The following CAPN7 variants were observed in gnomAD, a reference collection of about 807,000 sequenced individuals.
CAPN7 encodes calpain-7.
In CAPN7, 72 loss-of-function variants were observed where a neutral mutation model predicts 115.2. That is an observed-to-expected ratio of 0.63 (90% CI 0.52 to 0.76). CAPN7 has a LOEUF of 0.76. Among genes scored for constraint, CAPN7 ranks in the 30% least tolerant of loss-of-function variants. CAPN7 has a pLI of 0.00. For synonymous variants in CAPN7, 344 were observed against 322.3 expected, an observed-to-expected ratio of 1.07 and a Z score of -0.72; for missense variants, 905 against 971.5, an observed-to-expected ratio of 0.93 and a Z score of 0.91.
chr3:15,231,120 G>A (rs73140126), intron 9 of CAPN7, among the ~76,000 whole-genome samples: 7,398 of 152,218 alleles, frequency 0.049, 618 homozygotes, highest in African/African-American at 0.17. Flanking sequence ...CCCTAGACCT[G>A]CTGAATCAGA....
rs1457677135 is a variant in CAPN7 at position 15,250,920 on chromosome 3, T to C, written c.2205-11T>C. ...TATTAATACAGTAATTCTGTTCATTTTAAATGCTAGGCAATATAGCGTTGG... is the reference window on the plus strand; with the variant it reads ...TATTAATACAGTAATTCTGTTCATTCTAAATGCTAGGCAATATAGCGTTGG... On this transcript the variant is annotated splice_polypyrimidine_tract_variant and intron_variant, in intron 19 of 20. Transcript: ENST00000253693. 1 of 1,571,114 alleles carries C rather than the reference T, an allele frequency of 6.4e-7. No individual in the cohort carries two copies. Among genetic ancestry groups the C allele is most frequent in the Non-Finnish European group, 8.7e-7 (1 of 1,143,116 alleles).
Position 15,250,937 on chromosome 3 carries a change from T to C in CAPN7, c.2211T>C (p.Tyr737=), listed in dbSNP as rs756592545. 2.9e-5 allele frequency: 46 copies of C among 1,603,402 alleles called. No homozygotes were observed. The highest frequency in any genetic ancestry group is 3.2e-5 in the Non-Finnish European group (38 of 1,171,006). The change falls in exon 20 of 21, where the codon TAT becomes TAC. Residue 737 remains tyrosine, a synonymous_variant. Transcript: ENST00000253693. ...TGTTCATTTTAAATGCTAGGCAATA[T>C]AGCGTTGGATTTGAGGTTGTAACAG... ...LLIELRGPRQ[Y]SVGFEVVTVS...
intron 2 of CAPN7, among the ~76,000 whole-genome samples, chr3:15,212,958 C>T (rs780474684): frequency 3.9e-5 from 6 of 152,106 alleles, no homozygotes; most frequent in Non-Finnish European, 5.9e-5. Context: ...ACAAGAACAT[C>T]GTTGGGATAA....
intron 17 of CAPN7, 87 bp downstream of exon 17, chr3:15,245,758 A>G: frequency 1.1e-5 from 12 of 1,108,112 alleles, no homozygotes; most frequent in Non-Finnish European, 1.5e-5. Flanking sequence ...ATCTGGAGAA[A>G]AAGTTTATTT....
intron 9 of CAPN7, 26 bp from the exon 10 acceptor site, chr3:15,232,493 A>C (rs758449073): frequency 6.3e-7 from 1 of 1,575,020 alleles, no homozygotes; most frequent in East Asian, 2.3e-5. Context: ...TGTGCACCTA[A>C]GAAGGTTAAT....
intron 1 of CAPN7, 52 bp downstream of exon 1, chr3:15,206,649 C>T (rs1233238094): frequency 7.4e-7 from 1 of 1,343,728 alleles, no homozygotes; most frequent in South Asian, 1.3e-5. Flanking sequence ...GAGTGCGGCC[C>T]GGGCCTGCGG....
At chr3:15,209,161 C>G (rs1480995919) in intron 1 of CAPN7, among the ~76,000 whole-genome samples, 2 of 152,104 alleles carry the variant, frequency 1.3e-5, no homozygotes, top group Non-Finnish European at 2.9e-5. Flanking sequence ...CAGGCATGCA[C>G]CACCACCCCC....
At position 15,206,613 on chromosome 3, in the gene CAPN7, G is replaced by T; in HGVS notation, c.102+16G>T. On this transcript the variant is annotated intron_variant, in intron 1 of 20. Transcript: ENST00000253693. ...TTATTACAAGGTAGGGCCGGGCCCG[G>T]CGCTTCGGTCGGAGTTGCTCAGTCG... The T allele has an allele frequency of 6.5e-7, 1 of 1,535,086 alleles. No homozygotes were observed. The highest frequency in any genetic ancestry group is 8.8e-7 in the Non-Finnish European group (1 of 1,137,708).
At position 15,217,424 on chromosome 3, in the gene CAPN7, G is replaced by C. The variant is rs770164933; in HGVS notation, c.212-1G>C. 1 of 1,606,032 alleles carries C rather than the reference G, an allele frequency of 6.2e-7. No individual in the cohort carries two copies. Among genetic ancestry groups the C allele is most frequent in the Non-Finnish European group, 8.5e-7 (1 of 1,176,830 alleles). On this transcript the variant is annotated splice_acceptor_variant, in intron 2 of 20. Transcript: ENST00000253693. LOFTEE classifies it high-confidence loss of function. ...TCTGCGTATTTTTTTTTCTATCCTA[G>C]TTCAGTCAAAGAGTGCTGATCCTTT...
At chr3:15,220,163 A>G (rs1383691773) in intron 4 of CAPN7, among the ~76,000 whole-genome samples, 2 of 152,144 alleles carry the variant, frequency 1.3e-5, no homozygotes, top group African/African-American at 4.8e-5. Context: ...TTGCGCCACT[A>G]CGCTCTAGCT....
At chr3:15,206,869 G>C (rs546250826) in intron 1 of CAPN7, among the ~76,000 whole-genome samples, 2 of 152,404 alleles carry the variant, frequency 1.3e-5, no homozygotes, top group East Asian at 3.8e-4. Context: ...GCTTTGGGGG[G>C]CAGGTGTTAG....
chr3:15,245,212 T>A lies in CAPN7; in HGVS notation c.1865-314T>A, dbSNP rs560000332. 2.5e-4 allele frequency among the ~76,000 whole-genome samples: 38 copies of A among 149,648 alleles called. No individual in the cohort carries two copies. In the South Asian group the frequency reaches 4.0e-3, roughly 16 times the overall value. On this transcript the variant is annotated intron_variant, in intron 16 of 20. Transcript: ENST00000253693. The stretch of plus-strand genomic sequence containing the variant: ...AATTTCATCTCAAAAAAAAAACTAA[T>A]CCTGACTTTAAGATCCTCTACGGGA...
chr3:15,240,524 G>A lies in CAPN7; in HGVS notation c.1459G>A (p.Gly487Arg). 5 of 1,613,184 alleles carry A rather than the reference G, an allele frequency of 3.1e-6. No homozygotes were observed. The highest frequency in any genetic ancestry group is 4.2e-6 in the Non-Finnish European group (5 of 1,179,726). Reference protein sequence around the residue: ...KNPWSHLRWKGRYSENDVKNW... With the variant: ...KNPWSHLRWKRRYSENDVKNW... Reference sequence around the variant, plus strand: ...TCCTTGGAGTCATTTACGTTGGAAAGGAAGATACAGTGAAAATGATGTAAA... The same window carrying A: ...TCCTTGGAGTCATTTACGTTGGAAAAGAAGATACAGTGAAAATGATGTAAA... Residue 487 changes from glycine (G) to arginine (R), a missense_variant, in exon 13 of 21, where the codon GGA (glycine) becomes AGA (arginine). Gly to Arg is a moderately radical substitution (Grantham distance 125). Coordinates refer to ENST00000253693, the MANE Select transcript of CAPN7 (RefSeq NM_014296.3).
intron 1 of CAPN7, among the ~76,000 whole-genome samples, chr3:15,207,319 G>T (rs56378921): frequency 1.3e-5 from 2 of 152,162 alleles, no homozygotes; most frequent in African/African-American, 4.8e-5. Flanking sequence ...TACTACACCA[G>T]TGTGGGGCAC....
chr3:15,231,774 C>T (rs1014505606), intron 9 of CAPN7, among the ~76,000 whole-genome samples: 4 of 152,088 alleles, frequency 2.6e-5, no homozygotes, highest in Non-Finnish European at 5.9e-5. Context: ...ATGATCCTCC[C>T]GCCTCGGCCT....
At position 15,245,626 on chromosome 3, in the gene CAPN7, G is replaced by A. The variant is rs373079170; in HGVS notation, c.1965G>A (p.Val655=). The A allele has an allele frequency of 6.2e-7, 1 of 1,613,798 alleles. No homozygotes were observed. Among genetic ancestry groups the A allele is most frequent in the Non-Finnish European group, 8.5e-7 (1 of 1,179,874 alleles). The change falls in exon 17 of 21, where the codon GTG becomes GTA. Residue 655 remains valine, a synonymous_variant. Transcript: ENST00000253693. The part of the protein sequence containing the change: ...TTPGTHTFTL[V]VSQYEKQNTI... ...CTGGCACCCATACCTTTACATTAGT[G>A]GTTTCTCAATATGAAAAACAGAACA...
At chr3:15,237,978 A>G (rs1025881166) in intron 12 of CAPN7, among the ~76,000 whole-genome samples, 4 of 151,940 alleles carry the variant, frequency 2.6e-5, no homozygotes, top group Non-Finnish European at 5.9e-5. Context: ...CAAAAAATGT[A>G]TATTTATATA....
chr3:15,238,426 T>G (rs1411057893), intron 12 of CAPN7, among the ~76,000 whole-genome samples: 1 of 152,168 alleles, frequency 6.6e-6, no homozygotes, highest in Non-Finnish European at 1.5e-5. Flanking sequence ...TTCTGACTTC[T>G]GTTTTAAAAT....
chr3:15,206,343 G>C lies in CAPN7; in HGVS notation c.-153G>C, dbSNP rs933908161. On this transcript the variant is annotated 5_prime_UTR_variant, in exon 1 of 21. Transcript: ENST00000253693. ...TCGCGGTGGACCCCAGCCCGGCAAC[G>C]GGAAGGCGAGCTCTCCTCCACCGTC... 1.2e-5 allele frequency: 7 copies of C among 571,196 alleles called. No homozygotes were observed. Among genetic ancestry groups the C allele is most frequent in the Non-Finnish European group, 2.1e-5 (7 of 330,266 alleles). 35.4% of individuals were successfully genotyped at this position (571,196 alleles called of 1,614,324 possible).
Sources: allele counts gnomAD v4.1 joint callset (sites outside exome capture counted in the v4.1 genomes callset), GRCh38; gene constraint gnomAD v4.1.1; transcripts MANE v1.5; gene names NCBI Gene and HGNC (gene_info 2026-07-23, HGNC 2026-07-21).